SPTB: variants seen among roughly 807,000 people sequenced by gnomAD.
SPTB encodes spectrin beta, erythrocytic.
In SPTB, 45 loss-of-function variants were observed where a neutral mutation model predicts 256.2. The observed-to-expected ratio is 0.18, with a 90% CI of 0.14 to 0.23. The LOEUF (loss-of-function observed/expected upper bound fraction) is 0.23, where lower values mean the gene tolerates loss of function less well. Among genes scored for constraint, SPTB ranks in the 10% least tolerant of loss-of-function variants. SPTB has a pLI of 1.00. For missense variants in SPTB, 2,715 were observed against 3,040.4 expected (o/e 0.89, Z 2.52); for synonymous variants, 1,231 against 1,243.1 (o/e 0.99, Z 0.21).
intron 2 of SPTB, among the ~76,000 whole-genome samples, chr14:64,821,286 G>A (rs904804371): frequency 1.3e-5 from 2 of 152,124 alleles, no homozygotes; most frequent in South Asian, 2.1e-4. Flanking sequence ...GAACTCCTGA[G>A]AGACAGACAC....
In SPTB at chr14:64,852,634, G is replaced by C. The variant is rs553909981; in HGVS notation, c.-52+27158C>G. On this transcript the variant is annotated intron_variant, in intron 1 of 35. Transcript: ENST00000644917. This position sits in a 1 kb window ranked among gnomAD's most constrained non-coding sequence, Gnocchi z 4.2. Reference sequence around the variant, plus strand: ...AGCTTACAAAACTATGTAGGATACTGGTAGGTGAGTGGAAATAGCAAGTGA... The same window carrying C: ...AGCTTACAAAACTATGTAGGATACTCGTAGGTGAGTGGAAATAGCAAGTGA... Among the ~76,000 whole-genome samples, 2 of 152,166 alleles carry C rather than the reference G, an allele frequency of 1.3e-5. No individual in the cohort carries two copies. Among genetic ancestry groups the C allele is most frequent in the Non-Finnish European group, 2.9e-5 (2 of 68,036 alleles).
intron 1 of SPTB, among the ~76,000 whole-genome samples, chr14:64,878,337 C>T (rs542414587): frequency 6.6e-6 from 1 of 152,210 alleles, no homozygotes; most frequent in East Asian, 1.9e-4. Context: ...CAGGCAAGCA[C>T]AGGCCTAGCT....
chr14:64,876,148 G>T, intron 1 of SPTB, among the ~76,000 whole-genome samples: 1 of 151,394 alleles, frequency 6.6e-6, no homozygotes, highest in South Asian at 2.1e-4. Flanking sequence ...TCAATTTTTT[G>T]TTTGTTTGTT....
At chr14:64,865,886 G>T (rs537793812) in intron 1 of SPTB, among the ~76,000 whole-genome samples, 4 of 152,278 alleles carry the variant, frequency 2.6e-5, no homozygotes, top group African/African-American at 9.6e-5. Flanking sequence ...ACACCGTAAA[G>T]AACCCTCCTG....
Position 64,827,969 on chromosome 14 carries a change from AC to A in SPTB, c.-51-4825del, listed in dbSNP as rs1404812104. ...GATGGACACCACCAGCAGTTCCTGG[AC>A]AAGCCACTTCCCCTCCCCAGAGCAC... On this transcript the variant is annotated intron_variant, in intron 1 of 35. Coordinates refer to ENST00000644917, the MANE Select transcript of SPTB (RefSeq NM_001355436.2). The surrounding 1 kb of genome is among the most constrained non-coding windows in gnomAD (Gnocchi z 4.6). Among the ~76,000 whole-genome samples, 1 of 152,194 alleles carries A rather than the reference AC, an allele frequency of 6.6e-6. No individual in the cohort carries two copies. The highest frequency in any genetic ancestry group is 1.5e-5 in the Non-Finnish European group (1 of 68,040).
In SPTB at chr14:64,816,957, C is replaced by T. The variant is rs891069475; in HGVS notation, c.148+5990G>A. On this transcript the variant is annotated intron_variant, in intron 2 of 35. Coordinates refer to ENST00000644917, the MANE Select transcript of SPTB (RefSeq NM_001355436.2). The surrounding 1 kb of genome is among the most constrained non-coding windows in gnomAD (Gnocchi z 4.2). ...TCCCAAAGATGGAGGAGGCTATTAACGTGGTTCACTCAGACTGCACTGCCC... is the reference window on the plus strand; with the variant it reads ...TCCCAAAGATGGAGGAGGCTATTAATGTGGTTCACTCAGACTGCACTGCCC... 1.3e-5 allele frequency among the ~76,000 whole-genome samples: 2 copies of T among 152,192 alleles called. No homozygotes were observed. Among genetic ancestry groups the T allele is most frequent in the African/African-American group, 2.4e-5 (1 of 41,450 alleles).
chr14:64,878,031 C>A (rs1252334184), intron 1 of SPTB, among the ~76,000 whole-genome samples: 1 of 152,282 alleles, frequency 6.6e-6, no homozygotes, highest in East Asian at 1.9e-4. Flanking sequence ...CCTGGGAGTC[C>A]TTGGGTGCTT....
intron 2 of SPTB, among the ~76,000 whole-genome samples, chr14:64,818,078 G>A (rs1303231233): frequency 2.0e-5 from 3 of 152,234 alleles, no homozygotes; most frequent in African/African-American, 7.2e-5. Context: ...ATGCAGGAAG[G>A]AAGGTCATCT....
At chr14:64,761,030 T>A (rs1485138517) in intron 32 of SPTB, among the ~76,000 whole-genome samples, 1 of 152,178 alleles carries the variant, frequency 6.6e-6, no homozygotes, top group East Asian at 1.9e-4. Flanking sequence ...AGAGGCAGCA[T>A]AATCATGCCA....
At position 64,779,198 on chromosome 14, in the gene SPTB, T is replaced by G; in HGVS notation, c.4522A>C (p.Thr1508Pro). The change falls in exon 22 of 36, where the codon ACT becomes CCT. Residue 1508 changes from threonine (T) to proline (P), a missense_variant. Transcript: ENST00000644917. This position sits in a 1 kb window ranked among gnomAD's most constrained non-coding sequence, Gnocchi z 4.2. ...AACAGTTGCACAGTTTGCAGATTAG[T>G]GCCATAGTCGGCTGACTGGGCCAGA... is the stretch of plus-strand genomic sequence containing the variant. ...LPLAQSADYG[T>P]NLQTVQLFMK... The G allele has an allele frequency of 1.2e-6, 2 of 1,614,024 alleles. No homozygotes were observed. The highest frequency in any genetic ancestry group is 1.7e-6 in the Non-Finnish European group (2 of 1,179,968).
intron 1 of SPTB, among the ~76,000 whole-genome samples, chr14:64,865,272 A>G (rs1404131284): frequency 6.6e-6 from 1 of 151,836 alleles, no homozygotes; most frequent in Non-Finnish European, 1.5e-5. Context: ...GACTGCCAGG[A>G]GTTTTATAGC....
chr14:64,762,238 C>A (rs146280403), intron 32 of SPTB, among the ~76,000 whole-genome samples: 1 of 152,314 alleles, frequency 6.6e-6, no homozygotes, highest in African/African-American at 2.4e-5. Flanking sequence ...TACCAACAAA[C>A]ATAGGATTTG....
chr14:64,792,752 A>G lies in SPTB; in HGVS notation c.2666+245T>C, dbSNP rs1228453223. Among the ~76,000 whole-genome samples, 1 of 152,174 alleles carries G rather than the reference A, an allele frequency of 6.6e-6. No homozygotes were observed. The highest frequency in any genetic ancestry group is 2.4e-5 in the African/African-American group (1 of 41,442). ...CAAAGACTGCTATTGCTGAAAAGTA[A>G]TTGAATAACTGGACTAGATAAATTC... On this transcript the variant is annotated intron_variant, in intron 14 of 35. Coordinates refer to ENST00000644917, the MANE Select transcript of SPTB (RefSeq NM_001355436.2). The surrounding 1 kb of genome is among the most constrained non-coding windows in gnomAD (Gnocchi z 4.2).
chr14:64,783,953 A>T (rs1476257171), intron 19 of SPTB, among the ~76,000 whole-genome samples: 1 of 152,190 alleles, frequency 6.6e-6, no homozygotes, highest in Non-Finnish European at 1.5e-5. Context: ...TGGAAAGCAA[A>T]CATTAATAAC....
intron 33 of SPTB, among the ~76,000 whole-genome samples, chr14:64,750,979 T>A (rs1381990455): frequency 6.9e-6 from 1 of 145,428 alleles, no homozygotes; most frequent in Non-Finnish European, 1.5e-5. Context: ...ATAATGTATA[T>A]TTTATACATT....
intron 1 of SPTB, among the ~76,000 whole-genome samples, chr14:64,858,918 A>C (rs2083915267): frequency 6.6e-6 from 1 of 152,174 alleles, no homozygotes. Context: ...GTTAGAGCAA[A>C]AGCCAAATAA....
Position 64,786,615 on chromosome 14 carries a change from T to C in SPTB, c.3350A>G (p.Tyr1117Cys), listed in dbSNP as rs1394493410. 1 of 1,614,198 alleles carries C rather than the reference T, an allele frequency of 6.2e-7. No homozygotes were observed. Among genetic ancestry groups the C allele is most frequent in the South Asian group, 1.1e-5 (1 of 91,090 alleles). ...CTCCCCAGACTCCTTAACACGCTGG[T>C]AGCTGTCTTGGTGCCCGTCAATCTC... ...KDEIDGHQDS[Y>C]QRVKESGEKV... Residue 1117 changes from tyrosine to cysteine, a missense_variant, in exon 16 of 36, where the codon TAC (tyrosine) becomes TGC (cysteine). Tyr to Cys is a radical substitution (Grantham distance 194). This residue lies in a region of SPTB where 2,239 missense variants were observed against 2,384.4 expected (regional missense o/e 0.94). Transcript: ENST00000644917. The surrounding 1 kb of genome is among the most constrained non-coding windows in gnomAD (Gnocchi z 5.6).
chr14:64,791,790 G>A lies in SPTB; in HGVS notation c.2733C>T (p.Ala911=). The change falls in exon 15 of 36, where the codon GCC becomes GCT. Residue 911 remains alanine, a synonymous_variant. Transcript: ENST00000644917. ...MTQIDGVNLA[A]NSLVESGHPR... ...GGTGGCCACTCTCTACCAAGCTGTT[G>A]GCAGCGAGGTTCACACCATCAATCT... is the stretch of plus-strand genomic sequence containing the variant. 6.2e-7 allele frequency: 1 copy of A among 1,614,124 alleles called. No homozygotes were observed.
chr14:64,802,406 C>T lies in SPTB; in HGVS notation c.475-89G>A, dbSNP rs938300318. The T allele has an allele frequency of 1.6e-6, 2 of 1,212,692 alleles. No homozygotes were observed. Among genetic ancestry groups the T allele is most frequent in the South Asian group, 2.5e-5 (2 of 78,502 alleles). 75.1% of individuals were successfully genotyped at this position (1,212,692 alleles called of 1,614,324 possible). ...GTCCCTGGGAGGCTCCCTCCCTCAT[C>T]CCCCCTTCACTTAACACTAATTCAT... is the stretch of plus-strand genomic sequence containing the variant. On this transcript the variant is annotated intron_variant, in intron 4 of 35. Transcript: ENST00000644917. The surrounding 1 kb of genome is among the most constrained non-coding windows in gnomAD (Gnocchi z 5.1).
Sources: gnomAD v4.1 joint callset for allele counts (sites outside exome capture counted in the v4.1 genomes callset) on GRCh38, gnomAD v4.1.1 for gene constraint, gnomAD v4.1.1 regional missense constraint, Gnocchi (gnomAD v3.1) non-coding constraint, MANE v1.5 for transcripts, NCBI Gene and HGNC (gene_info 2026-07-23, HGNC 2026-07-21) for gene names.